CPE: variants seen among roughly 807,000 people sequenced by gnomAD.
CPE encodes carboxypeptidase E, also known as carbocypeptidase E.
CPE carries 17 observed loss-of-function variants against 53.5 expected under a neutral mutation model. That is an observed-to-expected ratio of 0.32 (90% confidence interval 0.22 to 0.48). CPE has a LOEUF of 0.48. Among genes scored for constraint, CPE ranks in the 20% least tolerant of loss-of-function variants. CPE has a pLI of 0.99. For missense variants in CPE, 524 were observed against 614.7 expected (o/e 0.85, Z 1.56); for synonymous variants, 226 against 228.8 (o/e 0.99, Z 0.11).
At chr4:165,402,479 T>C (rs994198059) in intron 1 of CPE, among the ~76,000 whole-genome samples, 1 of 152,182 alleles carries the variant, frequency 6.6e-6, no homozygotes, top group African/African-American at 2.4e-5. Flanking sequence ...ACGGAGCCTG[T>C]TGGGAGGTGT....
intron 1 of CPE, among the ~76,000 whole-genome samples, chr4:165,438,261 G>A (rs1348701801): frequency 6.6e-6 from 1 of 152,044 alleles, no homozygotes; most frequent in Non-Finnish European, 1.5e-5. Flanking sequence ...GAATGAGTAT[G>A]AGCAATATTG....
intron 1 of CPE, among the ~76,000 whole-genome samples, chr4:165,457,712 G>C (rs1359150963): frequency 6.6e-6 from 1 of 152,140 alleles, no homozygotes; most frequent in Non-Finnish European, 1.5e-5. Context: ...ATGTTGATTT[G>C]GTTGTTTTCT....
At chr4:165,401,300 G>A (rs538850856) in intron 1 of CPE, among the ~76,000 whole-genome samples, 25 of 152,266 alleles carry the variant, frequency 1.6e-4, no homozygotes, top group African/African-American at 4.8e-4. Context: ...ACTAGAAGCC[G>A]GTGAAGGAAA....
intron 1 of CPE, among the ~76,000 whole-genome samples, chr4:165,443,573 T>A (rs1414334383): frequency 2.0e-5 from 3 of 152,198 alleles, no homozygotes; most frequent in Non-Finnish European, 4.4e-5. Flanking sequence ...TATCCTCACA[T>A]GGCCCTTTCT....
At chr4:165,460,110 G>A (rs1731975397) in intron 1 of CPE, among the ~76,000 whole-genome samples, 1 of 151,954 alleles carries the variant, frequency 6.6e-6, no homozygotes, top group Admixed American at 6.6e-5. Context: ...CCTGGCAGCT[G>A]CAACCTGTTA....
At chr4:165,440,465 C>CG (rs1701564954) in intron 1 of CPE, among the ~76,000 whole-genome samples, 3 of 126,518 alleles carry the variant, frequency 2.4e-5, no homozygotes, top group African/African-American at 9.7e-5. Context: ...CCCCCCCCCA[C>CG]ACACACAAGC....
chr4:165,400,658 C>T (rs999513844), intron 1 of CPE, among the ~76,000 whole-genome samples: 1 of 152,194 alleles, frequency 6.6e-6, no homozygotes, highest in Non-Finnish European at 1.5e-5. Flanking sequence ...ACCTCTAACA[C>T]TCACCTTTTC....
intron 5 of CPE, among the ~76,000 whole-genome samples, chr4:165,485,447 T>G (rs1732491875): frequency 6.6e-6 from 1 of 152,196 alleles, no homozygotes; most frequent in African/African-American, 2.4e-5. Flanking sequence ...AAAAATATTC[T>G]TTCTGATTTT....
At chr4:165,437,285 C>T (rs7692208) in intron 1 of CPE, among the ~76,000 whole-genome samples, 91,188 of 152,038 alleles carry the variant, frequency 0.6, 27,820 homozygotes, top group East Asian at 0.75. Context: ...CGTGCCTCAA[C>T]GCAGGAGAAA....
At chr4:165,435,538 A>AT (rs1229798857) in intron 1 of CPE, among the ~76,000 whole-genome samples, 21 of 152,204 alleles carry the variant, frequency 1.4e-4, no homozygotes, top group African/African-American at 5.1e-4. Context: ...GTAAAATAGA[A>AT]TTTTTTCTGT....
At chr4:165,487,923 C>A (rs190629627) in intron 6 of CPE, among the ~76,000 whole-genome samples, 6 of 152,202 alleles carry the variant, frequency 3.9e-5, no homozygotes, top group Non-Finnish European at 8.8e-5. Context: ...GCAAGCGAGG[C>A]ACCTGAATGG....
chr4:165,404,218 A>G, intron 1 of CPE: 2 of 761,048 alleles, frequency 2.6e-6, no homozygotes, highest in Non-Finnish European at 4.9e-6. Context: ...GCCCTCCAAG[A>G]CAAGGTGGGA....
intron 1 of CPE, among the ~76,000 whole-genome samples, chr4:165,397,237 A>C (rs947237036): frequency 3.3e-5 from 5 of 152,318 alleles, no homozygotes; most frequent in African/African-American, 1.2e-4. Context: ...GCTCACCCTT[A>C]AATAATGCTT....
In CPE at chr4:165,396,635, C is replaced by T. The variant is rs190555122; in HGVS notation, c.307+17107C>T. 3.2e-3 allele frequency among the ~76,000 whole-genome samples: 483 copies of T among 148,960 alleles called. 3 individuals are homozygous for T. Among genetic ancestry groups the T allele is most frequent in the African/African-American group, 0.012 (463 of 40,078 alleles). The stretch of plus-strand genomic sequence containing the variant: ...GCAGTGAGATGAGATTGTGCCACTG[C>T]ACTCCAGCCTGGGCAACAGAGCCAG... On this transcript the variant is annotated intron_variant, in intron 1 of 8. Coordinates refer to ENST00000402744, the MANE Select transcript of CPE (RefSeq NM_001873.4).
chr4:165,437,453 A>C (rs1018774357), intron 1 of CPE, among the ~76,000 whole-genome samples: 2 of 152,146 alleles, frequency 1.3e-5, no homozygotes, highest in African/African-American at 4.8e-5. Flanking sequence ...TTGTTGTCAA[A>C]GGGAATGGAA....
chr4:165,390,848 G>T (rs551953995), intron 1 of CPE, among the ~76,000 whole-genome samples: 9 of 152,090 alleles, frequency 5.9e-5, no homozygotes, highest in Non-Finnish European at 1.2e-4. Context: ...TTGTTAGGTT[G>T]TATGTTGAGG....
At chr4:165,416,136 C>G (rs1183790598) in intron 1 of CPE, among the ~76,000 whole-genome samples, 1 of 152,218 alleles carries the variant, frequency 6.6e-6, no homozygotes, top group Non-Finnish European at 1.5e-5. Flanking sequence ...TCAACCGTAA[C>G]AGTAGCTGAG....
chr4:165,379,162 G>T lies in CPE; in HGVS notation c.-60G>T. The T allele has an allele frequency of 8.3e-7, 1 of 1,206,668 alleles. No homozygotes were observed. The highest frequency in any genetic ancestry group is 4.2e-5 in the South Asian group (1 of 23,980). 74.7% of individuals were successfully genotyped at this position (1,206,668 alleles called of 1,614,324 possible). A position where few individuals can be genotyped will look rare whatever the true frequency, so the allele number is the denominator to read the frequency against. On this transcript the variant is annotated 5_prime_UTR_variant, in exon 1 of 9. Transcript: ENST00000402744. This position sits in a 1 kb window ranked among gnomAD's most constrained non-coding sequence, Gnocchi z 6.0. ...GCGCCGGCGGGCTAAGCCCAGGGCC[G>T]GGCAGACAAAAGAGGCCGCCCGCGT...
chr4:165,494,978 C>T (rs1192296949), intron 7 of CPE, among the ~76,000 whole-genome samples: 1 of 152,192 alleles, frequency 6.6e-6, no homozygotes, highest in Non-Finnish European at 1.5e-5. Context: ...GTCAGGAATG[C>T]AGAACCTGGG....
Sources: gnomAD v4.1 joint callset for allele counts (sites outside exome capture counted in the v4.1 genomes callset) on GRCh38, gnomAD v4.1.1 for gene constraint, Gnocchi (gnomAD v3.1) non-coding constraint, MANE v1.5 for transcripts, NCBI Gene and HGNC (gene_info 2026-07-23, HGNC 2026-07-21) for gene names.